CNTNAP2: variants seen among roughly 807,000 people sequenced by gnomAD.
The protein encoded by CNTNAP2 is contactin-associated protein-like 2.
A neutral mutation model predicts 155.2 loss-of-function variants in CNTNAP2; 98 were observed. The ratio of observed to expected loss-of-function variants is 0.63; its 90% CI spans 0.54 to 0.75. The LOEUF is 0.75. CNTNAP2 is among the 30% of genes least tolerant of loss of function. CNTNAP2 has a pLI of 0.00. For missense variants in CNTNAP2, 1,727 were observed against 1,688.1 expected (o/e 1.02, Z -0.40); for synonymous variants, 651 against 631.2 (o/e 1.03, Z -0.47).
intron 3 of CNTNAP2, among the ~76,000 whole-genome samples, chr7:146,902,343 T>G (rs2129213938): frequency 6.6e-6 from 1 of 152,348 alleles, no homozygotes; most frequent in Admixed American, 6.5e-5. Context: ...TGAAATATAC[T>G]TTGTTTCTTC....
intron 1 of CNTNAP2, among the ~76,000 whole-genome samples, chr7:146,502,231 A>ATGTG (rs201001456): frequency 2.5e-3 from 161 of 64,956 alleles, no homozygotes; most frequent in African/African-American, 8.0e-3. Context: ...ATGAATATAT[A>ATGTG]TATATATATA....
At chr7:147,297,347 A>C (rs1416900765) in intron 8 of CNTNAP2, among the ~76,000 whole-genome samples, 2 of 152,188 alleles carry the variant, frequency 1.3e-5, no homozygotes, top group African/African-American at 2.4e-5. Flanking sequence ...AGAAGAAAAC[A>C]GACAAAAGAG....
chr7:146,986,298 C>T, intron 3 of CNTNAP2, among the ~76,000 whole-genome samples: 1 of 152,118 alleles, frequency 6.6e-6, no homozygotes, highest in East Asian at 1.9e-4. Context: ...GAATAGTCTC[C>T]AATATCGTCC....
At chr7:146,231,186 G>A (rs540977322) in intron 1 of CNTNAP2, among the ~76,000 whole-genome samples, 2 of 152,216 alleles carry the variant, frequency 1.3e-5, no homozygotes, top group East Asian at 3.9e-4. Context: ...AAGTAATGGG[G>A]AAATGTTTTT....
intron 1 of CNTNAP2, among the ~76,000 whole-genome samples, chr7:146,380,676 C>T (rs1355979450): frequency 2.0e-5 from 3 of 149,004 alleles, no homozygotes; most frequent in African/African-American, 7.4e-5. Flanking sequence ...TGTTGAGAAA[C>T]AGGGACAAAT....
At chr7:146,496,593 G>T (rs116810896) in intron 1 of CNTNAP2, among the ~76,000 whole-genome samples, 19 of 152,206 alleles carry the variant, frequency 1.2e-4, no homozygotes, top group African/African-American at 4.6e-4. Context: ...TTTGCTTTCC[G>T]AGGCTCTGGC....
chr7:147,735,657 A>C (rs1796829713), intron 13 of CNTNAP2, among the ~76,000 whole-genome samples: 1 of 152,154 alleles, frequency 6.6e-6, no homozygotes, highest in Non-Finnish European at 1.5e-5. Context: ...GTGGGAGTCT[A>C]AGTCTCTTTG....
At chr7:147,736,335 T>C (rs1206090713) in intron 13 of CNTNAP2, among the ~76,000 whole-genome samples, 1 of 152,222 alleles carries the variant, frequency 6.6e-6, no homozygotes, top group African/African-American at 2.4e-5. Flanking sequence ...TCTTTAAGAA[T>C]GTTGAATATT....
intron 13 of CNTNAP2, among the ~76,000 whole-genome samples, chr7:147,747,077 A>G (rs1458559246): frequency 6.6e-6 from 1 of 152,158 alleles, no homozygotes; most frequent in East Asian, 1.9e-4. Context: ...TTTACTTCCA[A>G]CTGAAACTCA....
At chr7:147,527,224 T>C (rs759581379) in intron 11 of CNTNAP2, among the ~76,000 whole-genome samples, 31 of 151,922 alleles carry the variant, frequency 2.0e-4, no homozygotes, top group South Asian at 6.2e-4. Context: ...AGGGTTTCAC[T>C]GTGTTAGCCA....
At chr7:146,892,968 A>G (rs1295203978) in intron 3 of CNTNAP2, among the ~76,000 whole-genome samples, 2 of 152,182 alleles carry the variant, frequency 1.3e-5, no homozygotes, top group African/African-American at 4.8e-5. Context: ...TTTTGTAAAC[A>G]TATATAAATT....
intron 12 of CNTNAP2, among the ~76,000 whole-genome samples, chr7:147,569,903 T>G (rs1450857226): frequency 1.3e-5 from 2 of 152,228 alleles, no homozygotes; most frequent in African/African-American, 2.4e-5. Context: ...ACTTGGGATC[T>G]TCTTGGAAGT....
At position 146,764,672 on chromosome 7, in the gene CNTNAP2, G is replaced by A. The variant is rs73740853; in HGVS notation, c.98-9599G>A. ...TCCAGCAAAATTTGAACTACTTCTCGAAGTAATTTGCCCTTGGTACATGCA... is the reference window on the plus strand; with the variant it reads ...TCCAGCAAAATTTGAACTACTTCTCAAAGTAATTTGCCCTTGGTACATGCA... On this transcript the variant is annotated intron_variant, in intron 1 of 23. Coordinates refer to ENST00000361727, the MANE Select transcript of CNTNAP2 (RefSeq NM_014141.6). Among the ~76,000 whole-genome samples the A allele has an allele frequency of 3.4e-3, 521 of 152,140 alleles. 1 individual carries two copies. The highest frequency in any genetic ancestry group is 0.012 in the African/African-American group (480 of 41,528).
At chr7:146,952,566 C>T (rs1361936667) in intron 3 of CNTNAP2, among the ~76,000 whole-genome samples, 5 of 152,134 alleles carry the variant, frequency 3.3e-5, no homozygotes, top group Admixed American at 1.3e-4. Flanking sequence ...AGCTGATAAG[C>T]AACTTCGGCG....
At chr7:146,942,038 T>C (rs10228803) in intron 3 of CNTNAP2, among the ~76,000 whole-genome samples, 55,845 of 151,850 alleles carry the variant, frequency 0.37, 10,787 homozygotes, top group Middle Eastern at 0.43. Flanking sequence ...TTTTATCTTT[T>C]CCTGAGTTTG....
intron 1 of CNTNAP2, among the ~76,000 whole-genome samples, chr7:146,628,269 A>G (rs1680756484): frequency 6.6e-6 from 1 of 152,162 alleles, no homozygotes; most frequent in Non-Finnish European, 1.5e-5. Flanking sequence ...CCACAGTATC[A>G]GATTGTCCCA....
chr7:147,453,873 T>A (rs1268802871), intron 10 of CNTNAP2, among the ~76,000 whole-genome samples: 1 of 152,218 alleles, frequency 6.6e-6, no homozygotes, highest in Non-Finnish European at 1.5e-5. Context: ...TGTTTCATTG[T>A]GAATTTTTGA....
At chr7:147,006,151 G>T (rs974015138) in intron 3 of CNTNAP2, among the ~76,000 whole-genome samples, 1 of 151,866 alleles carries the variant, frequency 6.6e-6, no homozygotes, top group African/African-American at 2.4e-5. Flanking sequence ...AATCCAAAGG[G>T]GTAGTTAGAA....
chr7:146,851,818 C>T (rs534814648), intron 3 of CNTNAP2, among the ~76,000 whole-genome samples: 211 of 151,972 alleles, frequency 1.4e-3, no homozygotes, highest in African/African-American at 4.7e-3. Flanking sequence ...GTAGCTGGGA[C>T]TACAGGTGCA....
Sources: allele counts gnomAD v4.1 joint callset (sites outside exome capture counted in the v4.1 genomes callset), GRCh38; gene constraint gnomAD v4.1.1; transcripts MANE v1.5; gene names NCBI Gene and HGNC (gene_info 2026-07-23, HGNC 2026-07-21).